Variants in WDR7 observed in about 807,000 individuals in gnomAD.
WDR7 encodes WD repeat domain 7.
A neutral mutation model predicts 169.4 loss-of-function variants in WDR7; 46 were observed. The observed-to-expected ratio is 0.27, with a 90% confidence interval of 0.21 to 0.35. The LOEUF (loss-of-function observed/expected upper bound fraction) is 0.35, where lower values mean the gene tolerates loss of function less well. Ranked by LOEUF, WDR7 falls within the 10% of genes least tolerant of loss-of-function variation. The probability of loss-of-function intolerance (pLI) is 1.00; values close to 1 mark genes in which losing one functional copy is unlikely to be tolerated. For missense variants in WDR7, 1,534 were observed against 1,859.3 expected (o/e 0.83, Z 3.22); for synonymous variants, 612 against 666.8 (o/e 0.92, Z 1.27).
Position 56,731,614 on chromosome 18 carries a change from G to A in WDR7, c.1989+17G>A. On this transcript the variant is annotated intron_variant, in intron 14 of 27. Coordinates refer to ENST00000254442, the MANE Select transcript of WDR7 (RefSeq NM_015285.3). ...TCTGACAAGGTAAGTTTTATATGTG[G>A]GCCCATGAAGTGTGTAGACCCCATT... 6.2e-7 allele frequency: 1 copy of A among 1,609,966 alleles called. No homozygotes were observed. The highest frequency in any genetic ancestry group is 8.5e-7 in the Non-Finnish European group (1 of 1,177,698).
At chr18:56,742,221 C>T (rs2430896) in intron 14 of WDR7, among the ~76,000 whole-genome samples, 14,629 of 152,212 alleles carry the variant, frequency 0.096, 861 homozygotes, top group Non-Finnish European at 0.13. Context: ...TACTATCTCA[C>T]ATCATAAATC....
intron 19 of WDR7, among the ~76,000 whole-genome samples, chr18:56,806,206 C>T (rs1449666885): frequency 6.6e-6 from 1 of 152,086 alleles, no homozygotes; most frequent in East Asian, 1.9e-4. Flanking sequence ...CCTTGTGTTT[C>T]CCTACCTTCA....
At chr18:56,993,041 A>G (rs897643965) in intron 26 of WDR7, among the ~76,000 whole-genome samples, 1 of 152,184 alleles carries the variant, frequency 6.6e-6, no homozygotes, top group Non-Finnish European at 1.5e-5. Flanking sequence ...CTCAAACCCA[A>G]AGCTCTATTG....
At chr18:56,731,635 C>T in intron 14 of WDR7, 38 bp downstream of exon 14, 1 of 1,507,876 alleles carries the variant, frequency 6.6e-7, no homozygotes, top group Non-Finnish European at 9.0e-7. Flanking sequence ...TGTGTAGACC[C>T]CATTTAACTT....
At chr18:56,655,115 G>T (rs772968224) in intron 1 of WDR7, among the ~76,000 whole-genome samples, 13 of 152,054 alleles carry the variant, frequency 8.5e-5, no homozygotes, top group Non-Finnish European at 1.6e-4. Flanking sequence ...TATAATTATA[G>T]GTTCATAGGA....
chr18:56,753,981 T>A (rs561716470), intron 14 of WDR7, among the ~76,000 whole-genome samples: 1 of 152,082 alleles, frequency 6.6e-6, no homozygotes, highest in South Asian at 2.1e-4. Context: ...CAAATTAGAT[T>A]GTATATGATT....
intron 12 of WDR7, among the ~76,000 whole-genome samples, chr18:56,703,612 A>C (rs561138372): frequency 6.6e-6 from 1 of 152,018 alleles, no homozygotes; most frequent in African/African-American, 2.4e-5. Context: ...GAACATTTTC[A>C]TATATTTTTA....
chr18:56,945,211 T>C (rs1233070623), intron 25 of WDR7, among the ~76,000 whole-genome samples: 1 of 151,926 alleles, frequency 6.6e-6, no homozygotes, highest in Non-Finnish European at 1.5e-5. Flanking sequence ...AACATGAGAA[T>C]AGAAGTCCTC....
At chr18:56,989,221 G>A (rs781457880) in intron 26 of WDR7, among the ~76,000 whole-genome samples, 2 of 152,148 alleles carry the variant, frequency 1.3e-5, no homozygotes, top group Non-Finnish European at 2.9e-5. Flanking sequence ...GTACTCTCCA[G>A]TGTGATAGCC....
intron 16 of WDR7, among the ~76,000 whole-genome samples, chr18:56,763,509 G>C (rs1438460069): frequency 6.6e-6 from 1 of 152,124 alleles, no homozygotes; most frequent in Non-Finnish European, 1.5e-5. Context: ...ATTTTGTTAA[G>C]GGTGTTCATG....
chr18:56,811,099 G>T (rs1368247333), intron 19 of WDR7, among the ~76,000 whole-genome samples: 1 of 152,090 alleles, frequency 6.6e-6, no homozygotes, highest in African/African-American at 2.4e-5. Context: ...ATTTATTCAT[G>T]CCATAGCATG....
chr18:56,854,865 G>A (rs1316981996), intron 20 of WDR7, among the ~76,000 whole-genome samples: 1 of 152,112 alleles, frequency 6.6e-6, no homozygotes, highest in Non-Finnish European at 1.5e-5. Context: ...TCTGTTTTCT[G>A]AGGGCTGCTT....
At chr18:56,929,107 A>T (rs565555809) in intron 22 of WDR7, among the ~76,000 whole-genome samples, 1 of 152,002 alleles carries the variant, frequency 6.6e-6, no homozygotes, top group Non-Finnish European at 1.5e-5. Flanking sequence ...CATAGTGAGA[A>T]CCTGTCTCTA....
intron 26 of WDR7, among the ~76,000 whole-genome samples, chr18:57,014,512 G>T (rs981217140): frequency 2.7e-5 from 4 of 150,228 alleles, no homozygotes; most frequent in African/African-American, 9.8e-5. Flanking sequence ...CAAAAAATTC[G>T]CCAGGCGGTT....
chr18:56,863,297 A>T (rs2045835186), intron 20 of WDR7, among the ~76,000 whole-genome samples: 1 of 151,790 alleles, frequency 6.6e-6, no homozygotes, highest in Non-Finnish European at 1.5e-5. Flanking sequence ...TAGTTGTAAT[A>T]ATAAAGCAAA....
intron 16 of WDR7, among the ~76,000 whole-genome samples, chr18:56,773,326 C>T (rs538516709): frequency 6.8e-6 from 1 of 147,196 alleles, no homozygotes; most frequent in African/African-American, 2.6e-5. Context: ...TTGGAGGCTT[C>T]CTTTCTTTAA....
At chr18:56,815,930 T>G in intron 19 of WDR7, 101 bp from the exon 20 acceptor site, 2 of 882,020 alleles carry the variant, frequency 2.3e-6, no homozygotes, top group Non-Finnish European at 3.4e-6. Context: ...TTTTAATGTA[T>G]TGTGTTTATG....
At chr18:56,900,867 G>A (rs1213590179) in intron 21 of WDR7, among the ~76,000 whole-genome samples, 4 of 152,260 alleles carry the variant, frequency 2.6e-5, no homozygotes, top group East Asian at 1.9e-4. Context: ...TCCCCTTGCC[G>A]GATCTCTCCA....
At chr18:57,010,123 C>T in intron 26 of WDR7, 1 of 985,392 alleles carries the variant, frequency 1.0e-6, no homozygotes, top group Non-Finnish European at 1.2e-6. Context: ...CATGTGGAAG[C>T]AGGAGGGGAG....
Sources: allele counts gnomAD v4.1 joint callset (sites outside exome capture counted in the v4.1 genomes callset), GRCh38; gene constraint gnomAD v4.1.1; transcripts MANE v1.5; gene names NCBI Gene and HGNC (gene_info 2026-07-23, HGNC 2026-07-21).